THSD7B: variants seen among roughly 807,000 people sequenced by gnomAD.
The protein encoded by THSD7B is thrombospondin type-1 domain-containing protein 7B.
THSD7B carries 138 observed loss-of-function variants against 213.6 expected under a neutral mutation model. The ratio of observed to expected loss-of-function variants is 0.65; its 90% CI spans 0.56 to 0.74. The LOEUF (loss-of-function observed/expected upper bound fraction) is 0.74. Among genes scored for constraint, THSD7B ranks in the 30% least tolerant of loss-of-function variants. THSD7B has a pLI of 0.00. For synonymous variants in THSD7B, 742 were observed against 687.0 expected, an observed-to-expected ratio of 1.08 and a Z score of -1.25; for missense variants, 1,931 against 1,991.5, an observed-to-expected ratio of 0.97 and a Z score of 0.58.
chr2:137,656,349 T>A (rs909117685), intron 22 of THSD7B, among the ~76,000 whole-genome samples: 2 of 152,140 alleles, frequency 1.3e-5, no homozygotes, highest in East Asian at 3.9e-4. Context: ...GAGAAAGATG[T>A]TTAGGGTATT....
At chr2:137,127,847 G>A (rs1418555767) in intron 5 of THSD7B, among the ~76,000 whole-genome samples, 3 of 152,082 alleles carry the variant, frequency 2.0e-5, no homozygotes, top group African/African-American at 7.3e-5. Context: ...GAACCCGGGA[G>A]GCGGAGGTTG....
At chr2:136,772,419 A>T (rs1681524313) in intron 1 of THSD7B, among the ~76,000 whole-genome samples, 1 of 152,084 alleles carries the variant, frequency 6.6e-6, no homozygotes, top group Non-Finnish European at 1.5e-5. Flanking sequence ...ATCATCTCAA[A>T]ATCATAAAGA....
intron 15 of THSD7B, among the ~76,000 whole-genome samples, chr2:137,476,203 A>G (rs1688188010): frequency 1.3e-5 from 2 of 152,032 alleles, no homozygotes; most frequent in Non-Finnish European, 2.9e-5. Flanking sequence ...CCTTGTATAT[A>G]CTGGATATTA....
chr2:137,460,571 CTGT>C (rs1330137621), intron 15 of THSD7B, among the ~76,000 whole-genome samples: 1 of 152,020 alleles, frequency 6.6e-6, no homozygotes, highest in East Asian at 1.9e-4. Flanking sequence ...TCACTGCTTC[CTGT>C]ATGGAAGCAG....
intron 4 of THSD7B, among the ~76,000 whole-genome samples, chr2:137,104,687 A>T (rs964291009): frequency 2.0e-5 from 3 of 152,174 alleles, no homozygotes; most frequent in Admixed American, 1.3e-4. Context: ...TAAAAGAGAG[A>T]AGAATCAAAT....
chr2:137,049,887 C>T lies in THSD7B; in HGVS notation c.140-6533C>T, dbSNP rs551082723. On this transcript the variant is annotated intron_variant, in intron 2 of 27. Coordinates refer to ENST00000409968, the MANE Select transcript of THSD7B (RefSeq NM_001316349.2). The stretch of plus-strand genomic sequence containing the variant: ...TTGGCCTCTCTTCCCTCACCCACAC[C>T]TTAGACTGCAACATTTATGGAGCCC... Among the ~76,000 whole-genome samples, 13 of 152,298 alleles carry T rather than the reference C, an allele frequency of 8.5e-5. No individual in the cohort carries two copies. The East Asian group carries it at 1.5e-3, about 18-fold the overall frequency.
At chr2:137,486,214 T>A (rs1293592557) in intron 15 of THSD7B, among the ~76,000 whole-genome samples, 4 of 151,890 alleles carry the variant, frequency 2.6e-5, no homozygotes, top group Non-Finnish European at 4.4e-5. Context: ...TTGGATAAAG[T>A]GTCAAGACCC....
At chr2:136,837,615 TTGTC>T (rs1399075894) in intron 1 of THSD7B, among the ~76,000 whole-genome samples, 2 of 152,218 alleles carry the variant, frequency 1.3e-5, no homozygotes, top group Admixed American at 6.5e-5. Flanking sequence ...TGTTTATTCA[TTGTC>T]TGTCTCCTTG....
rs1470683612 is a variant in THSD7B, at chr2:136,878,841, A to G, written c.-35-3303A>G. Among the ~76,000 whole-genome samples the G allele has an allele frequency of 7.9e-5, 12 of 152,254 alleles. No individual in the cohort carries two copies. In the East Asian group the frequency reaches 1.2e-3, roughly 15 times the overall value. The stretch of plus-strand genomic sequence containing the variant: ...GCCCTTTGTCAGATGAGTAGATTGC[A>G]AAAATTTTCTCCCATTCTGTAGGTT... On this transcript the variant is annotated intron_variant, in intron 1 of 27. Transcript: ENST00000409968.
intron 18 of THSD7B, 46 bp from the exon 19 acceptor site, chr2:137,618,346 A>C: frequency 3.4e-5 from 50 of 1,462,388 alleles, no homozygotes; most frequent in Middle Eastern, 1.7e-4. Context: ...TTTTGCTCAC[A>C]TGGCCATAAT....
At chr2:136,900,497 T>A (rs58443082) in intron 2 of THSD7B, among the ~76,000 whole-genome samples, 3,162 of 152,242 alleles carry the variant, frequency 0.021, 59 homozygotes, top group East Asian at 0.092. Flanking sequence ...CTCTTTGTAT[T>A]TTTGTTTGAA....
At chr2:137,563,146 A>G in intron 15 of THSD7B, 75 bp from the exon 16 acceptor site, 1 of 1,500,960 alleles carries the variant, frequency 6.7e-7, no homozygotes, top group Non-Finnish European at 9.1e-7. Context: ...TTCAGCAAGC[A>G]TTACTAAAAG....
chr2:137,322,288 G>T (rs985908797), intron 12 of THSD7B, among the ~76,000 whole-genome samples: 1 of 152,136 alleles, frequency 6.6e-6, no homozygotes. Context: ...TCCCAGGTCT[G>T]CCACCTTCTC....
intron 12 of THSD7B, among the ~76,000 whole-genome samples, chr2:137,396,861 A>C (rs567636369): frequency 6.6e-6 from 1 of 151,676 alleles, no homozygotes; most frequent in African/African-American, 2.4e-5. Flanking sequence ...TATTGGATGC[A>C]TATATATTTA....
At chr2:137,510,237 C>CT (rs1679931758) in intron 15 of THSD7B, among the ~76,000 whole-genome samples, 1 of 151,934 alleles carries the variant, frequency 6.6e-6, no homozygotes, top group Non-Finnish European at 1.5e-5. Context: ...AGCCATTTTA[C>CT]CCCCCTAGTT....
chr2:137,315,230 T>C (rs1313093400), intron 12 of THSD7B, among the ~76,000 whole-genome samples: 1 of 152,146 alleles, frequency 6.6e-6, no homozygotes, highest in African/African-American at 2.4e-5. Flanking sequence ...TTTAAGCCCA[T>C]CAGAAAAGCG....
At chr2:136,841,337 G>A (rs912561943) in intron 1 of THSD7B, among the ~76,000 whole-genome samples, 2 of 151,848 alleles carry the variant, frequency 1.3e-5, no homozygotes, top group African/African-American at 4.8e-5. Context: ...GGCTCATGAC[G>A]GTAATCCCAG....
At chr2:137,259,834 C>A (rs1408262155) in intron 10 of THSD7B, among the ~76,000 whole-genome samples, 1 of 152,106 alleles carries the variant, frequency 6.6e-6, no homozygotes, top group South Asian at 2.1e-4. Flanking sequence ...GGTATCCTCT[C>A]CTTAGAATAT....
At chr2:136,956,429 G>A (rs539969) in intron 2 of THSD7B, among the ~76,000 whole-genome samples, 92,495 of 151,680 alleles carry the variant, frequency 0.61, 29,524 homozygotes, top group Non-Finnish European at 0.72. Context: ...CAATAGCCCC[G>A]TGTCTCTCTT....
Sources: gnomAD v4.1 joint callset for allele counts (sites outside exome capture counted in the v4.1 genomes callset) on GRCh38, gnomAD v4.1.1 for gene constraint, MANE v1.5 for transcripts, NCBI Gene and HGNC (gene_info 2026-07-23, HGNC 2026-07-21) for gene names.